MESD: variants seen among roughly 807,000 people sequenced by gnomAD.
MESD encodes mesoderm development LRP chaperone.
Under a neutral mutation model 12.9 loss-of-function variants are expected in MESD, and 7 were observed. The observed-to-expected ratio is 0.54, with a 90% CI of 0.31 to 1.02. The LOEUF (loss-of-function observed/expected upper bound fraction) is 1.02, where lower values mean the gene tolerates loss of function less well. MESD is among the 50% of genes least tolerant of loss of function. MESD has a pLI of 0.05. For synonymous variants in MESD, 126 were observed against 115.6 expected, an observed-to-expected ratio of 1.09 and a Z score of -0.58; for missense variants, 342 against 296.7, an observed-to-expected ratio of 1.15 and a Z score of -1.12.
Position 80,989,583 on chromosome 15 carries a change from C to T in MESD, c.209G>A (p.Trp70Ter). 1 of 1,613,024 alleles carries T rather than the reference C, an allele frequency of 6.2e-7. No individual in the cohort carries two copies. Among genetic ancestry groups the T allele is most frequent in the African/African-American group, 1.3e-5 (1 of 75,044 alleles). ...DADMARLLEQ[W>*]EKDDDIEEGD... ...GGGTGTGCGCGCGCCGCGGACCTCC[C>T]ATTGCTCCAGAAGACGCGCCATGTC... The change falls in exon 1 of 3, where the codon TGG becomes TAG. Residue 70 changes from tryptophan to a stop codon, truncating the protein, a stop_gained. Transcript: ENST00000261758. LOFTEE classifies it high-confidence loss of function.
chr15:80,972,653 T>C (rs796436215), downstream of MESD, among the ~76,000 whole-genome samples: 40 of 152,318 alleles, frequency 2.6e-4, 1 homozygote, highest in African/African-American at 9.6e-4. Flanking sequence ...TTAAGTAGAA[T>C]TATGGCACAG....
chr15:80,963,051 G>T (rs1350231365), intron 3 of MESD, among the ~76,000 whole-genome samples: 1 of 152,034 alleles, frequency 6.6e-6, no homozygotes, highest in South Asian at 2.1e-4. Flanking sequence ...CCAGGAGCTG[G>T]GTTTTTGAAA....
intron 2 of MESD, among the ~76,000 whole-genome samples, chr15:80,981,449 A>C (rs928650568): frequency 7.9e-5 from 12 of 150,946 alleles, no homozygotes; most frequent in African/African-American, 2.7e-4. Flanking sequence ...AAAAAAAAAA[A>C]AAAAAAACAA....
chr15:80,989,499 C>T (rs374523114), intron 1 of MESD, 80 bp downstream of exon 1: 7 of 1,490,192 alleles, frequency 4.7e-6, no homozygotes, highest in African/African-American at 2.8e-5. Flanking sequence ...AGAAAGGTCC[C>T]AAGACAGAAC....
At position 80,979,177 on chromosome 15, in the gene MESD, C is replaced by T. The variant is rs754201790; in HGVS notation, c.*42G>A. 3.2e-6 allele frequency: 5 copies of T among 1,585,806 alleles called. No homozygotes were observed. In the Admixed American group the frequency reaches 8.6e-5, roughly 27 times the overall value. ...CCCCAGGAGCTGGGCAAAGAGCTCT[C>T]CACGTCCACCTGTCCCCCCACAGCG... is the stretch of plus-strand genomic sequence containing the variant. On this transcript the variant is annotated 3_prime_UTR_variant, in exon 3 of 3. Transcript: ENST00000261758.
At chr15:80,951,819 A>C (rs1901843653) in intron 4 of MESD, 1 of 154,980 alleles carries the variant, frequency 6.5e-6, no homozygotes, top group Admixed American at 6.5e-5. Flanking sequence ...GCTTCATTTT[A>C]TCTAGGGATA....
intron 3 of MESD, among the ~76,000 whole-genome samples, chr15:80,965,003 T>A (rs1020748021): frequency 5.9e-5 from 9 of 152,200 alleles, no homozygotes; most frequent in African/African-American, 2.2e-4. Flanking sequence ...GAAACTATCA[T>A]CACAGTGAAC....
intron 3 of MESD, among the ~76,000 whole-genome samples, chr15:80,970,234 T>C (rs1343728254): frequency 6.6e-6 from 1 of 152,186 alleles, no homozygotes; most frequent in African/African-American, 2.4e-5. Context: ...TGCCCCCTAG[T>C]GGGTACATCC....
intron 1 of MESD, among the ~76,000 whole-genome samples, chr15:80,983,579 T>C (rs1902643947): frequency 6.6e-6 from 1 of 152,202 alleles, no homozygotes; most frequent in Non-Finnish European, 1.5e-5. Context: ...TTTCATAGAT[T>C]AACAGATGAG....
intron 1 of MESD, among the ~76,000 whole-genome samples, chr15:80,982,800 G>C (rs1275907288): frequency 1.3e-5 from 2 of 152,138 alleles, no homozygotes; most frequent in African/African-American, 4.8e-5. Flanking sequence ...ATTTATTGCA[G>C]GCCAGGCACT....
chr15:80,989,204 A>G (rs1286136768), intron 1 of MESD, among the ~76,000 whole-genome samples: 1 of 152,186 alleles, frequency 6.6e-6, no homozygotes, highest in Non-Finnish European at 1.5e-5. Flanking sequence ...TCTTTAGTAG[A>G]TTGGGAAAGG....
chr15:80,946,632 G>A (rs1047581993), downstream of MESD: 1 of 342,280 alleles, frequency 2.9e-6, no homozygotes, highest in Non-Finnish European at 5.7e-6. Flanking sequence ...AAGTCCTACT[G>A]TGTGCCGAGC....
At chr15:80,970,489 G>A (rs1902261066) in intron 3 of MESD, 1 of 152,188 alleles carries the variant, frequency 6.6e-6, no homozygotes, top group Non-Finnish European at 1.5e-5. Flanking sequence ...CTCCACTGCA[G>A]GGCAGGTGTG....
chr15:80,958,065 T>G (rs1902019758), intron 3 of MESD, among the ~76,000 whole-genome samples: 1 of 152,182 alleles, frequency 6.6e-6, no homozygotes, highest in Non-Finnish European at 1.5e-5. Flanking sequence ...TCTTCTTGAT[T>G]TCCTCAAATT....
In MESD at chr15:80,963,899, T is replaced by G. The variant is rs1186549999; in HGVS notation, c.*289-11603A>C. ...CTGAATGGGCAAAAACTGGAAGCATTCCCTCTGAAAACTGGCTCCAGACAA... is the reference window on the plus strand; with the variant it reads ...CTGAATGGGCAAAAACTGGAAGCATGCCCTCTGAAAACTGGCTCCAGACAA... On this transcript the variant is annotated intron_variant, in intron 3 of 4. Transcript: ENST00000561312. 2.6e-5 allele frequency among the ~76,000 whole-genome samples: 4 copies of G among 152,152 alleles called. No individual in the cohort carries two copies. In the East Asian group the frequency reaches 7.7e-4, roughly 29 times the overall value.
At chr15:80,957,463 A>C (rs2141786537) in intron 3 of MESD, among the ~76,000 whole-genome samples, 2 of 152,314 alleles carry the variant, frequency 1.3e-5, no homozygotes, top group South Asian at 4.1e-4. Context: ...TTTGTTGCCT[A>C]CAGGCTTACC....
At chr15:80,973,542 AT>A (rs72356618), downstream of MESD, among the ~76,000 whole-genome samples, 1,848 of 152,252 alleles carry the variant, frequency 0.012, 32 homozygotes, top group African/African-American at 0.042. Flanking sequence ...CTCAAAAAAA[AT>A]AAATAAATAG....
chr15:80,981,982 G>A lies in MESD; in HGVS notation c.414C>T (p.Gly138=), dbSNP rs778542208. 9 of 1,614,164 alleles carry A rather than the reference G, an allele frequency of 5.6e-6. No homozygotes were observed. The highest frequency in any genetic ancestry group is 1.7e-4 in the Middle Eastern group (1 of 6,060). ...CGTCATAGTTGGCATTGAAAAGGCT[G>A]CCCTGCCAGAGGCTCGTAATTTCCT... ...ETEEITSLWQ[G]SLFNANYDVQ... Residue 138 remains glycine (G), a synonymous_variant, in exon 2 of 3, where the codon GGC becomes GGT. Coordinates refer to ENST00000261758, the MANE Select transcript of MESD (RefSeq NM_015154.3).
At chr15:80,960,908 C>T (rs1164536630) in intron 3 of MESD, among the ~76,000 whole-genome samples, 3 of 152,092 alleles carry the variant, frequency 2.0e-5, no homozygotes, top group Admixed American at 6.6e-5. Flanking sequence ...TTGGAGGCAC[C>T]GTCAACAGAT....
Sources: allele counts gnomAD v4.1 joint callset (sites outside exome capture counted in the v4.1 genomes callset), GRCh38; gene constraint gnomAD v4.1.1; transcripts MANE v1.5; gene names NCBI Gene and HGNC (gene_info 2026-07-23, HGNC 2026-07-21).